The following LGI4 variants were observed in gnomAD, a reference collection of about 807,000 sequenced individuals.
LGI4 encodes the protein leucine-rich repeat LGI family member 4.
Under a neutral mutation model 48.3 loss-of-function variants are expected in LGI4, and 36 were observed. The observed-to-expected ratio is 0.75, with a 90% CI of 0.57 to 0.98. The LOEUF (loss-of-function observed/expected upper bound fraction) is 0.98. Ranked by LOEUF, LGI4 falls within the 50% of genes least tolerant of loss-of-function variation. LGI4 has a pLI of 0.00. For synonymous variants in LGI4, 355 were observed against 331.6 expected, an observed-to-expected ratio of 1.07 and a Z score of -0.77; for missense variants, 701 against 732.1, an observed-to-expected ratio of 0.96 and a Z score of 0.49.
intron 6 of LGI4, 55 bp from the exon 7 acceptor site, chr19:35,127,072 CT>C: frequency 6.6e-7 from 1 of 1,505,252 alleles, no homozygotes; most frequent in East Asian, 2.3e-5. Flanking sequence ...GTCCTCATTG[CT>C]GAGCCTCAGT....
chr19:35,128,232 T>G (rs979102209), intron 6 of LGI4, among the ~76,000 whole-genome samples: 3 of 152,204 alleles, frequency 2.0e-5, no homozygotes, highest in Non-Finnish European at 4.4e-5. Context: ...TCATTGTCAC[T>G]GGGGCACCAA....
At chr19:35,129,017 T>C (rs1172043115) in intron 6 of LGI4, among the ~76,000 whole-genome samples, 1 of 152,060 alleles carries the variant, frequency 6.6e-6, no homozygotes, top group East Asian at 1.9e-4. Context: ...CTCTCATCAC[T>C]CCTTGTAGTT....
rs1351227948 is a variant in LGI4, at chr19:35,134,633, C to G, written c.48G>C (p.Val16=). The G allele has an allele frequency of 6.4e-7, 1 of 1,562,160 alleles. No homozygotes were observed. Residue 16 remains valine, a synonymous_variant, in exon 1 of 9, where the codon GTG becomes GTC. Transcript: ENST00000310123. The part of the protein sequence containing the change: ...ILLLLLAGAG[V]VVAWRPPKGK... Reference sequence around the variant, plus strand: ...CCTTTGGGGGTCTCCAGGCCACCACCACCCCCGCCCCAGCCAGCAGCAGCA... The same window carrying G: ...CCTTTGGGGGTCTCCAGGCCACCACGACCCCCGCCCCAGCCAGCAGCAGCA...
chr19:35,127,186 G>T (rs182025674), intron 6 of LGI4, among the ~76,000 whole-genome samples, 169 bp from the exon 7 acceptor site: 2 of 152,214 alleles, frequency 1.3e-5, no homozygotes, highest in East Asian at 3.9e-4. Flanking sequence ...GGGTCGAGGG[G>T]TATTTTGTTT....
chr19:35,126,803 G>A (rs1387734295), intron 7 of LGI4, 28 bp from the exon 8 acceptor site: 1 of 1,583,852 alleles, frequency 6.3e-7, no homozygotes, highest in Middle Eastern at 1.7e-4. Flanking sequence ...GGCAGGTCAG[G>A]CCAGCCAGGC....
At chr19:35,127,470 C>T (rs1022477950) in intron 6 of LGI4, among the ~76,000 whole-genome samples, 4 of 152,154 alleles carry the variant, frequency 2.6e-5, no homozygotes, top group Non-Finnish European at 5.9e-5. Context: ...CATGAGCCAC[C>T]TCCACCTCCT....
chr19:35,129,300 C>G (rs1398938390), intron 6 of LGI4, among the ~76,000 whole-genome samples: 1 of 151,298 alleles, frequency 6.6e-6, no homozygotes, highest in Non-Finnish European at 1.5e-5. Context: ...TAATTATATG[C>G]TGATAATAAT....
Position 35,129,599 on chromosome 19 carries a change from G to T in LGI4, c.628+1787C>A, listed in dbSNP as rs144460692. 7.6e-3 allele frequency among the ~76,000 whole-genome samples: 1,153 copies of T among 152,270 alleles called. 18 individuals are homozygous for T. Among genetic ancestry groups the T allele is most frequent in the African/African-American group, 0.026 (1,090 of 41,542 alleles). On this transcript the variant is annotated intron_variant, in intron 6 of 8. Transcript: ENST00000310123. ...TTTGCAGGCAGTATGCTTGGTAAAA[G>T]TCATTGCCATTCTCCATTCTCGATT...
chr19:35,127,811 G>T (rs2065150383), intron 6 of LGI4, among the ~76,000 whole-genome samples: 1 of 152,196 alleles, frequency 6.6e-6, no homozygotes, highest in Admixed American at 6.5e-5. Context: ...CCCCTTCGCA[G>T]ATGAGAAAAC....
In LGI4 at chr19:35,135,033, T is replaced by A. The variant is rs2145371338; in HGVS notation, c.-353A>T. ...GTAGCTGTCTATCTGTTGGTCTCTATGTGTGTGAGTGTATGTGAGTGTGTG... is the reference window on the plus strand; with the variant it reads ...GTAGCTGTCTATCTGTTGGTCTCTAAGTGTGTGAGTGTATGTGAGTGTGTG... On this transcript the variant is annotated 5_prime_UTR_variant, in exon 1 of 9. Coordinates refer to ENST00000310123, the MANE Select transcript of LGI4 (RefSeq NM_139284.3). 1 of 233,154 alleles carries A rather than the reference T, an allele frequency of 4.3e-6. No homozygotes were observed. Among genetic ancestry groups the A allele is most frequent in the Admixed American group, 5.1e-5 (1 of 19,478 alleles). 14.4% of individuals were successfully genotyped at this position (233,154 alleles called of 1,614,324 possible). A position where few individuals can be genotyped will look rare whatever the true frequency, so the allele number is the denominator to read the frequency against.
chr19:35,131,603 G>T, intron 5 of LGI4, 48 bp from the exon 6 acceptor site: 3 of 1,532,536 alleles, frequency 2.0e-6, no homozygotes, highest in Non-Finnish European at 2.6e-6. Flanking sequence ...TCCACGCCCT[G>T]GGGGCCATGC....
rs1204441107 is a variant in LGI4, at chr19:35,126,843, G to T, written c.793+10C>A. 1.9e-6 allele frequency: 3 copies of T among 1,607,938 alleles called. No individual in the cohort carries two copies. Among genetic ancestry groups the T allele is most frequent in the Non-Finnish European group, 2.5e-6 (3 of 1,178,736 alleles). The stretch of plus-strand genomic sequence containing the variant: ...TGCTGGACAGGCAGAAGGACGGGGA[G>T]GGGGCTCACCGGGCAGCTCTTCCTC... On this transcript the variant is annotated intron_variant, in intron 7 of 8. Transcript: ENST00000310123.
chr19:35,134,468 C>T lies in LGI4; in HGVS notation c.170+43G>A, dbSNP rs201940723. ...CATCCCAACCTCTGGGGTCCCAGGACTTCCGTCCCCACCTTCGGGCATGCA... is the reference window on the plus strand; with the variant it reads ...CATCCCAACCTCTGGGGTCCCAGGATTTCCGTCCCCACCTTCGGGCATGCA... On this transcript the variant is annotated intron_variant, in intron 1 of 8. Coordinates refer to ENST00000310123, the MANE Select transcript of LGI4 (RefSeq NM_139284.3). The T allele has an allele frequency of 2.8e-5, 44 of 1,552,698 alleles. No homozygotes were observed. In the Admixed American group the frequency reaches 8.5e-4, roughly 30 times the overall value.
In LGI4 at chr19:35,131,883, C is replaced by T. The variant is rs377561131; in HGVS notation, c.387-23G>A. 41 of 1,564,460 alleles carry T rather than the reference C, an allele frequency of 2.6e-5. No homozygotes were observed. The African/African-American group carries it at 4.1e-4, about 15-fold the overall frequency. On this transcript the variant is annotated intron_variant, in intron 4 of 8. Transcript: ENST00000310123. Reference sequence around the variant, plus strand: ...CTTCTGGTGGAGGAAGAGAAGGCACCGTCAGCAGCCACAAGGATACCCTGT... The same window carrying T: ...CTTCTGGTGGAGGAAGAGAAGGCACTGTCAGCAGCCACAAGGATACCCTGT...
At chr19:35,129,801 G>A (rs1396850623) in intron 6 of LGI4, among the ~76,000 whole-genome samples, 2 of 151,998 alleles carry the variant, frequency 1.3e-5, no homozygotes, top group African/African-American at 4.8e-5. Context: ...GAGTATTGGT[G>A]AAAGAGGAAG....
chr19:35,134,734 C>A lies in LGI4; in HGVS notation c.-54G>T. ...TTCTCCCGGCCCACCCAGCTCAGCC[C>A]AGGCCACTACGTCTCCTCCTCCACC... On this transcript the variant is annotated 5_prime_UTR_variant, in exon 1 of 9. Coordinates refer to ENST00000310123, the MANE Select transcript of LGI4 (RefSeq NM_139284.3). 1.0e-6 allele frequency: 1 copy of A among 984,280 alleles called. No homozygotes were observed. Among genetic ancestry groups the A allele is most frequent in the East Asian group, 2.7e-5 (1 of 37,314 alleles). The allele number at this position is 984,280 out of a possible 1,614,324, so 61.0% of individuals were successfully genotyped here. A position where few individuals can be genotyped will look rare whatever the true frequency, so the allele number is the denominator to read the frequency against.
intron 8 of LGI4, chr19:35,125,719 C>CT (rs1224700852): frequency 1.4e-6 from 1 of 698,412 alleles, no homozygotes; most frequent in East Asian, 2.7e-5. Context: ...GCCATGGACT[C>CT]TGTCAGTTTC....
Position 35,126,347 on chromosome 19 carries a change from C to T in LGI4, c.1222G>A (p.Asp408Asn), listed in dbSNP as rs2065136743. Residue 408 changes from aspartate (D) to asparagine (N), a missense_variant, in exon 8 of 9, where the codon GAT becomes AAT. Physicochemically the swap from Asp to Asn is conservative, Grantham distance 23. This residue lies in a region of LGI4 where 223 missense variants were observed against 263.3 expected (regional missense o/e 0.85). Coordinates refer to ENST00000310123, the MANE Select transcript of LGI4 (RefSeq NM_139284.3). ...TGGAAGTGGCGTGTGGCATAGACAT[C>T]CTCGGCCTCGGGGATGTCTGTGCGT... is the stretch of plus-strand genomic sequence containing the variant. ...ERRTDIPEAE[D>N]VYATRHFQAG... is the part of the protein sequence containing the mutation. The T allele has an allele frequency of 3.1e-6, 5 of 1,611,560 alleles. No homozygotes were observed. Among genetic ancestry groups the T allele is most frequent in the Non-Finnish European group, 4.2e-6 (5 of 1,179,478 alleles).
intron 6 of LGI4, among the ~76,000 whole-genome samples, chr19:35,127,402 A>G (rs2065147807): frequency 6.6e-6 from 1 of 151,932 alleles, no homozygotes; most frequent in South Asian, 2.1e-4. Flanking sequence ...GTTGGTCTGG[A>G]ATTCCTAGGC....
Sources: gnomAD v4.1 joint callset for allele counts (sites outside exome capture counted in the v4.1 genomes callset) on GRCh38, gnomAD v4.1.1 for gene constraint, gnomAD v4.1.1 regional missense constraint, MANE v1.5 for transcripts, NCBI Gene and HGNC (gene_info 2026-07-23, HGNC 2026-07-21) for gene names.